The following WDR27 variants were observed in gnomAD, a reference collection of about 807,000 sequenced individuals.
The protein encoded by WDR27 is WD repeat-containing protein 27.
A neutral mutation model predicts 114.4 loss-of-function variants in WDR27; 100 were observed. The observed-to-expected ratio is 0.87, with a 90% CI of 0.74 to 1.03. The LOEUF (loss-of-function observed/expected upper bound fraction) is 1.03. Ranked by LOEUF, WDR27 falls within the 50% of genes least tolerant of loss-of-function variation. WDR27 has a pLI of 0.00. For missense variants in WDR27, 1,129 were observed against 1,092.9 expected, an observed-to-expected ratio of 1.03 and a Z score of -0.47; for synonymous variants, 449 against 423.1, an observed-to-expected ratio of 1.06 and a Z score of -0.75.
chr6:169,648,137 A>G (rs139968476), intron 15 of WDR27, among the ~76,000 whole-genome samples: 2 of 152,194 alleles, frequency 1.3e-5, no homozygotes, highest in Non-Finnish European at 2.9e-5. Context: ...GTTTCATATA[A>G]ACTCATGTGA....
intron 23 of WDR27, among the ~76,000 whole-genome samples, chr6:169,586,685 C>T (rs1804641677): frequency 1.3e-5 from 2 of 151,870 alleles, no homozygotes; most frequent in South Asian, 4.2e-4. Context: ...CCCGTCTCTA[C>T]TAAAAATTCA....
chr6:169,446,434 G>T, the WDR27 span, among the ~76,000 whole-genome samples: 586 of 152,162 alleles, frequency 3.9e-3, 3 homozygotes, highest in African/African-American at 0.013. Context: ...ACAAGGCGAG[G>T]TCTGGCTTCT....
At chr6:169,660,346 A>C (rs1294257470) in intron 10 of WDR27, among the ~76,000 whole-genome samples, 1 of 152,100 alleles carries the variant, frequency 6.6e-6, no homozygotes, top group South Asian at 2.1e-4. Flanking sequence ...ATGGTGGAGA[A>C]TCCAGGGGCT....
At chr6:169,513,186 G>A (rs543355776) in intron 25 of WDR27, among the ~76,000 whole-genome samples, 1 of 152,202 alleles carries the variant, frequency 6.6e-6, no homozygotes, top group East Asian at 1.9e-4. Context: ...GAATTTCTGG[G>A]GGCACCTAGA....
intron 21 of WDR27, among the ~76,000 whole-genome samples, chr6:169,627,494 TA>T (rs1449396147): frequency 1.3e-5 from 2 of 152,160 alleles, no homozygotes; most frequent in African/African-American, 4.8e-5. Flanking sequence ...ACATCAGCAC[TA>T]GAGGAAGAGA....
At chr6:169,468,276 C>A (rs1022064863) in intron 25 of WDR27, among the ~76,000 whole-genome samples, 1 of 152,206 alleles carries the variant, frequency 6.6e-6, no homozygotes. Flanking sequence ...TTCTTCTGAG[C>A]CCTCCAAACT....
rs546773764 is a variant in WDR27 at position 169,510,132 on chromosome 6, C to T, written c.2646-52498G>A. Among the ~76,000 whole-genome samples the T allele has an allele frequency of 3.2e-4, 48 of 152,264 alleles. No individual in the cohort carries two copies. In the South Asian group the frequency reaches 9.7e-3, roughly 31 times the overall value. ...CGATCATTAAAAAGTCAGGAAACAACAGGTGCTGGAGAGGATGTGGAGAAA... is the reference window on the plus strand; with the variant it reads ...CGATCATTAAAAAGTCAGGAAACAATAGGTGCTGGAGAGGATGTGGAGAAA... On this transcript the variant is annotated intron_variant, in intron 25 of 25. Transcript: ENST00000448612.
At chr6:169,653,113 G>A (rs940614964) in intron 13 of WDR27, among the ~76,000 whole-genome samples, 2 of 152,212 alleles carry the variant, frequency 1.3e-5, no homozygotes, top group African/African-American at 4.8e-5. Flanking sequence ...TGGACACGCA[G>A]GAGGCACTGC....
chr6:169,568,457 G>A (rs1176603839), intron 25 of WDR27, among the ~76,000 whole-genome samples: 3 of 152,110 alleles, frequency 2.0e-5, no homozygotes, highest in African/African-American at 7.2e-5. Flanking sequence ...AAGGACACAA[G>A]CTCACTCTTC....
At chr6:169,556,968 GA>G (rs1213340283) in intron 25 of WDR27, among the ~76,000 whole-genome samples, 1 of 152,216 alleles carries the variant, frequency 6.6e-6, no homozygotes. Context: ...GGAGTGTCAA[GA>G]TGTACAACCC....
intron 13 of WDR27, among the ~76,000 whole-genome samples, chr6:169,654,083 G>C (rs1562826436): frequency 6.6e-6 from 1 of 152,068 alleles, no homozygotes; most frequent in East Asian, 1.9e-4. Context: ...AAACAAAACA[G>C]AAACAAACAA....
chr6:169,584,722 C>G (rs557001949), intron 23 of WDR27, among the ~76,000 whole-genome samples: 1 of 152,152 alleles, frequency 6.6e-6, no homozygotes, highest in Non-Finnish European at 1.5e-5. Flanking sequence ...AAATGTCTAT[C>G]CAGGTCCTTT....
the WDR27 span, among the ~76,000 whole-genome samples, chr6:169,438,779 AG>A: frequency 2.0e-5 from 3 of 152,240 alleles, no homozygotes; most frequent in Non-Finnish European, 4.4e-5. Flanking sequence ...AATCAGCCTA[AG>A]AAACAGATAT....
chr6:169,692,645 C>G (rs866047203), intron 1 of WDR27, among the ~76,000 whole-genome samples: 1 of 152,158 alleles, frequency 6.6e-6, no homozygotes, highest in African/African-American at 2.4e-5. Flanking sequence ...CTGGGTGAGG[C>G]CTTTCACTAC....
chr6:169,592,323 C>T (rs1381232155), intron 23 of WDR27, among the ~76,000 whole-genome samples: 2 of 152,108 alleles, frequency 1.3e-5, no homozygotes, highest in Non-Finnish European at 2.9e-5. Context: ...ACTAAATCTT[C>T]CTATCCAAGA....
intron 22 of WDR27, among the ~76,000 whole-genome samples, chr6:169,612,735 G>A (rs1357667838): frequency 1.3e-5 from 2 of 150,936 alleles, no homozygotes; most frequent in Admixed American, 6.6e-5. Flanking sequence ...TAGAAGGAAT[G>A]CACTCTAAAA....
chr6:169,630,255 C>T (rs1816004806), intron 21 of WDR27, among the ~76,000 whole-genome samples: 1 of 152,228 alleles, frequency 6.6e-6, no homozygotes, highest in South Asian at 2.1e-4. Context: ...AATCTACATG[C>T]TGACGAGTCT....
chr6:169,595,833 G>T (rs1584466396), intron 23 of WDR27, among the ~76,000 whole-genome samples: 6 of 140,154 alleles, frequency 4.3e-5, no homozygotes, highest in African/African-American at 8.0e-5. Context: ...ATTCAGTTCT[G>T]GCATATTCAT....
intron 25 of WDR27, among the ~76,000 whole-genome samples, chr6:169,522,711 A>G (rs1462092370): frequency 6.6e-6 from 1 of 152,056 alleles, no homozygotes; most frequent in African/African-American, 2.4e-5. Flanking sequence ...ACATGCCTCT[A>G]AATGACCAAT....
Sources: allele counts gnomAD v4.1 joint callset (sites outside exome capture counted in the v4.1 genomes callset), GRCh38; gene constraint gnomAD v4.1.1; transcripts MANE v1.5; gene names NCBI Gene and HGNC (gene_info 2026-07-23, HGNC 2026-07-21).